Variants in IPO7 observed in about 807,000 individuals in gnomAD.
IPO7 encodes the protein importin 7.
Under a neutral mutation model 136.4 loss-of-function variants are expected in IPO7, and 13 were observed. That is an observed-to-expected ratio of 0.10 (90% CI 0.06 to 0.15). The LOEUF (loss-of-function observed/expected upper bound fraction) is 0.15, where lower values mean the gene tolerates loss of function less well. IPO7 is among the 10% of genes least tolerant of loss of function. The probability of loss-of-function intolerance (pLI) is 1.00; values close to 1 mark genes in which losing one functional copy is unlikely to be tolerated. For synonymous variants in IPO7, 403 were observed against 404.4 expected (o/e 1.00, Z 0.04); for missense variants, 857 against 1,240.6 (o/e 0.69, Z 4.65).
chr11:9,391,187 C>T (rs961860523), intron 1 of IPO7, among the ~76,000 whole-genome samples: 7 of 151,674 alleles, frequency 4.6e-5, no homozygotes, highest in South Asian at 2.1e-4. Flanking sequence ...ATCACAAGGT[C>T]GGGAGTTCGA....
chr11:9,410,912 G>A (rs1252400254), intron 4 of IPO7, among the ~76,000 whole-genome samples: 1 of 152,200 alleles, frequency 6.6e-6, no homozygotes, highest in Admixed American at 6.5e-5. Context: ...GGGACTTGCA[G>A]TTAGCCTCCA....
chr11:9,415,852 AAAG>A (rs994259809), intron 5 of IPO7, among the ~76,000 whole-genome samples: 1 of 152,196 alleles, frequency 6.6e-6, no homozygotes, highest in Non-Finnish European at 1.5e-5. Context: ...AAAAAGAAAA[AAAG>A]AAAAAAAAGA....
chr11:9,417,377 A>G (rs1855055723), intron 6 of IPO7, among the ~76,000 whole-genome samples: 1 of 152,032 alleles, frequency 6.6e-6, no homozygotes, highest in Non-Finnish European at 1.5e-5. Context: ...TTATTGGTTT[A>G]ATTTCTTCTG....
At chr11:9,393,947 A>G (rs1854673545) in intron 1 of IPO7, among the ~76,000 whole-genome samples, 1 of 151,926 alleles carries the variant, frequency 6.6e-6, no homozygotes, top group Non-Finnish European at 1.5e-5. Context: ...CAGTGGTGCT[A>G]TCTCGGCTCA....
intron 1 of IPO7, among the ~76,000 whole-genome samples, chr11:9,394,431 T>G (rs540802975): frequency 6.6e-6 from 1 of 152,254 alleles, no homozygotes; most frequent in Non-Finnish European, 1.5e-5. Flanking sequence ...GGGCCTAGGT[T>G]TTTGAGGCCT....
intron 20 of IPO7, among the ~76,000 whole-genome samples, 200 bp from the exon 21 acceptor site, chr11:9,437,554 C>T (rs1001482896): frequency 1.2e-4 from 18 of 152,292 alleles, no homozygotes; most frequent in African/African-American, 3.4e-4. Context: ...ACTCCCGGCC[C>T]GTCGTGAGCT....
chr11:9,437,789 A>G lies in IPO7; in HGVS notation c.2304A>G (p.Arg768=). ...IPLFVEAALE[R]LTREVKTSEL... ...TATTCGTGGAAGCAGCCTTAGAAAG[A>G]CTGACAAGAGAGGTTAAGACAAGTG... Residue 768 remains arginine, a synonymous_variant, in exon 21 of 25, where the codon AGA becomes AGG. Transcript: ENST00000379719. The G allele has an allele frequency of 1.2e-6, 2 of 1,614,034 alleles. No individual in the cohort carries two copies. Among genetic ancestry groups the G allele is most frequent in the Non-Finnish European group, 1.7e-6 (2 of 1,179,908 alleles).
intron 16 of IPO7, among the ~76,000 whole-genome samples, chr11:9,432,443 C>T (rs901127969): frequency 1.7e-4 from 26 of 152,070 alleles, no homozygotes; most frequent in African/African-American, 5.1e-4. Context: ...TCAAGTGATC[C>T]GCCTCCCTTG....
rs748790189 is a variant in IPO7 at position 9,414,218 on chromosome 11, A to C, written c.480-37A>C. The stretch of plus-strand genomic sequence containing the variant: ...TAAATATATATACAATTGTGGAAAT[A>C]AATTCTTACAGAATTAGTTTGTATT... On this transcript the variant is annotated intron_variant, in intron 4 of 24. Transcript: ENST00000379719. 2.0e-6 allele frequency: 3 copies of C among 1,485,030 alleles called. No homozygotes were observed. In the South Asian group the frequency reaches 3.7e-5, roughly 18 times the overall value. The allele number at this position is 1,485,030 out of a possible 1,614,324, so 92.0% of individuals were successfully genotyped here. A position where few individuals can be genotyped will look rare whatever the true frequency, so the allele number is the denominator to read the frequency against.
chr11:9,418,815 T>A (rs1433065689), intron 6 of IPO7, among the ~76,000 whole-genome samples: 1 of 152,234 alleles, frequency 6.6e-6, no homozygotes, highest in Non-Finnish European at 1.5e-5. Flanking sequence ...GTTCTAGTCA[T>A]CTCTGGCATC....
At chr11:9,401,243 GA>G (rs1382551188) in intron 1 of IPO7, among the ~76,000 whole-genome samples, 1 of 151,862 alleles carries the variant, frequency 6.6e-6, no homozygotes, top group Non-Finnish European at 1.5e-5. Context: ...AACATGTGTA[GA>G]AAAATACTTG....
At chr11:9,409,829 GA>G in intron 3 of IPO7, 98 bp from the exon 4 acceptor site, 1 of 866,068 alleles carries the variant, frequency 1.2e-6, no homozygotes, top group Non-Finnish European at 1.7e-6. Context: ...GGGTTATTTT[GA>G]AATTAGATTT....
intron 23 of IPO7, 90 bp from the exon 24 acceptor site, chr11:9,441,991 C>T (rs1855465190): frequency 1.7e-6 from 1 of 586,244 alleles, no homozygotes. Flanking sequence ...TCAGTATTGC[C>T]TCGGGATGGA....
At chr11:9,417,642 C>T (rs1855059540) in intron 6 of IPO7, among the ~76,000 whole-genome samples, 3 of 151,396 alleles carry the variant, frequency 2.0e-5, no homozygotes, top group African/African-American at 7.3e-5. Flanking sequence ...CAGAGTTGTC[C>T]AATTGTGTTA....
chr11:9,420,755 A>G, intron 8 of IPO7, 57 bp downstream of exon 8: 5 of 1,152,780 alleles, frequency 4.3e-6, no homozygotes, highest in South Asian at 3.8e-5. Context: ...GTTAATTTAT[A>G]TATTGCTTAT....
chr11:9,410,039 T>G lies in IPO7; in HGVS notation c.432T>G (p.Cys144Trp). ...GFYLQSDNSA[C>W]WLGILLCLYQ... ...ATCTTCAGTCCGATAACAGTGCTTG[T>G]TGGCTAGGAATTCTTCTTTGCCTTT... Residue 144 changes from cysteine (C) to tryptophan (W), a missense_variant, in exon 4 of 25, where the codon TGT (cysteine) becomes TGG (tryptophan). This residue lies in a region of IPO7 where 287 missense variants were observed against 307.5 expected (regional missense o/e 0.93). Coordinates refer to ENST00000379719, the MANE Select transcript of IPO7 (RefSeq NM_006391.3). 1 of 1,604,700 alleles carries G rather than the reference T, an allele frequency of 6.2e-7. No homozygotes were observed. The highest frequency in any genetic ancestry group is 1.3e-5 in the African/African-American group (1 of 74,396).
chr11:9,410,159 C>A, intron 4 of IPO7, 73 bp downstream of exon 4: 2 of 1,007,532 alleles, frequency 2.0e-6, no homozygotes, highest in Non-Finnish European at 2.8e-6. Flanking sequence ...CCAATTTGAA[C>A]ATGTAAAATT....
At chr11:9,385,052 C>T (rs570745837) in intron 1 of IPO7, among the ~76,000 whole-genome samples, 1 of 152,266 alleles carries the variant, frequency 6.6e-6, no homozygotes, top group South Asian at 2.1e-4. Context: ...GCCTTTGCTT[C>T]GGATCCTGAG....
At chr11:9,443,447 C>T (rs1318170230) in intron 24 of IPO7, among the ~76,000 whole-genome samples, 7 of 151,430 alleles carry the variant, frequency 4.6e-5, no homozygotes, top group Non-Finnish European at 5.9e-5. Context: ...ACAAAATTAG[C>T]CAGGCGTGGT....
Sources: allele counts gnomAD v4.1 joint callset (sites outside exome capture counted in the v4.1 genomes callset), GRCh38; gene constraint gnomAD v4.1.1; regional missense constraint gnomAD v4.1.1; transcripts MANE v1.5; gene names NCBI Gene and HGNC (gene_info 2026-07-23, HGNC 2026-07-21).